NELL2: variants seen among roughly 807,000 people sequenced by gnomAD.
NELL2 encodes protein kinase C-binding protein NELL2.
In NELL2, 41 loss-of-function variants were observed where a neutral mutation model predicts 109.6. The ratio of observed to expected loss-of-function variants is 0.37; its 90% CI spans 0.29 to 0.49. The LOEUF (loss-of-function observed/expected upper bound fraction) is 0.49, where lower values mean the gene tolerates loss of function less well. Ranked by LOEUF, NELL2 falls within the 20% of genes least tolerant of loss-of-function variation. NELL2 has a pLI of 0.98. For synonymous variants in NELL2, 355 were observed against 344.7 expected (o/e 1.03, Z -0.33); for missense variants, 900 against 1,008.3 (o/e 0.89, Z 1.45).
At chr12:44,587,854 T>G (rs1944582747) in intron 15 of NELL2, among the ~76,000 whole-genome samples, 1 of 152,096 alleles carries the variant, frequency 6.6e-6, no homozygotes, top group African/African-American at 2.4e-5. Context: ...AAAATTACGT[T>G]ATAAAAGTTG....
At chr12:44,642,875 C>G (rs1321988929) in intron 13 of NELL2, among the ~76,000 whole-genome samples, 1 of 151,988 alleles carries the variant, frequency 6.6e-6, no homozygotes, top group African/African-American at 2.4e-5. Context: ...GAGCAAGATC[C>G]CTCTCAAAAA....
At chr12:44,630,964 T>C (rs769092251) in intron 13 of NELL2, among the ~76,000 whole-genome samples, 22 of 152,030 alleles carry the variant, frequency 1.4e-4, no homozygotes, top group Non-Finnish European at 2.9e-4. Context: ...AAAATCTTTT[T>C]TCTTCTTCTA....
At chr12:44,588,819 C>T (rs1306958815) in intron 15 of NELL2, among the ~76,000 whole-genome samples, 4 of 152,162 alleles carry the variant, frequency 2.6e-5, no homozygotes, top group Non-Finnish European at 5.9e-5. Flanking sequence ...TATTTCATCA[C>T]CCTAAACAGG....
chr12:44,746,491 T>C (rs1315333742), intron 9 of NELL2, among the ~76,000 whole-genome samples: 1 of 152,076 alleles, frequency 6.6e-6, no homozygotes, highest in Non-Finnish European at 1.5e-5. Flanking sequence ...CAAAAGAAAC[T>C]ACCATCAGAG....
At position 44,891,483 on chromosome 12, in the gene NELL2, A is replaced by G. The variant is rs1371719975; in HGVS notation, c.39-15583T>C. 2.6e-5 allele frequency among the ~76,000 whole-genome samples: 4 copies of G among 152,196 alleles called. No homozygotes were observed. In the South Asian group the frequency reaches 8.3e-4, roughly 32 times the overall value. ...ACTACCACTGCTGGAGCTCGGACCC[A>G]ATGGGGCCATGTTCCTTACAAGTTA... On this transcript the variant is annotated intron_variant, in intron 1 of 20. Transcript: ENST00000333837.
At chr12:44,621,729 C>A (rs1946069402) in intron 13 of NELL2, among the ~76,000 whole-genome samples, 1 of 151,642 alleles carries the variant, frequency 6.6e-6, no homozygotes, top group Admixed American at 6.6e-5. Flanking sequence ...CATAGAACCT[C>A]TTTGAAATAA....
intron 15 of NELL2, among the ~76,000 whole-genome samples, chr12:44,576,674 T>C (rs1944098823): frequency 6.6e-6 from 1 of 152,176 alleles, no homozygotes; most frequent in East Asian, 1.9e-4. Context: ...GCATTAGGTA[T>C]ATCTCCCAAT....
intron 9 of NELL2, among the ~76,000 whole-genome samples, chr12:44,771,168 G>C (rs1383316384): frequency 1.3e-5 from 2 of 152,064 alleles, no homozygotes; most frequent in African/African-American, 4.8e-5. Context: ...TGCTAGTTGA[G>C]AGCCTGAGAC....
At chr12:44,606,134 A>G (rs1388822907) in intron 15 of NELL2, among the ~76,000 whole-genome samples, 1 of 152,116 alleles carries the variant, frequency 6.6e-6, no homozygotes, top group Non-Finnish European at 1.5e-5. Flanking sequence ...AACACCACTT[A>G]GCAGTACTTA....
intron 13 of NELL2, among the ~76,000 whole-genome samples, chr12:44,657,795 C>A (rs1301710722): frequency 1.3e-5 from 2 of 152,144 alleles, no homozygotes; most frequent in African/African-American, 4.8e-5. Flanking sequence ...CATGTCCCTG[C>A]AAAGGACAGG....
chr12:44,786,866 G>A (rs7957023), intron 3 of NELL2, among the ~76,000 whole-genome samples: 35,933 of 151,836 alleles, frequency 0.24, 4,527 homozygotes, highest in South Asian at 0.3. Context: ...TCACGTACCG[G>A]GGCCTGTCAT....
chr12:44,782,625 A>G (rs550586446), intron 3 of NELL2, among the ~76,000 whole-genome samples: 2 of 151,960 alleles, frequency 1.3e-5, no homozygotes, highest in Admixed American at 6.6e-5. Context: ...TATATTTCAG[A>G]GCCAAAAAAT....
intron 9 of NELL2, among the ~76,000 whole-genome samples, chr12:44,747,647 C>T (rs151172169): frequency 2.0e-5 from 3 of 151,958 alleles, no homozygotes; most frequent in Non-Finnish European, 4.4e-5. Context: ...CACTGTTTAA[C>T]GGTCAACTGT....
chr12:44,796,657 A>G (rs1319936393), intron 3 of NELL2, among the ~76,000 whole-genome samples: 6 of 152,122 alleles, frequency 3.9e-5, no homozygotes, highest in Admixed American at 1.3e-4. Flanking sequence ...TAATAACACT[A>G]CTACAAAAGT....
In NELL2 at chr12:44,577,472, T is replaced by TTG. The variant is rs1170759630; in HGVS notation, c.1663+29696_1663+29697insCA. On this transcript the variant is annotated intron_variant, in intron 15 of 19. Transcript: ENST00000429094. ...CCCTTTGTCAGATGAGTAGTTTTTT[T>TTG]TTTTTTTTTTTTTTTTTTTTGAGAT... Among the ~76,000 whole-genome samples the TTG allele has an allele frequency of 3.4e-3, 435 of 126,580 alleles. 8 individuals carry two copies. Among genetic ancestry groups the TTG allele is most frequent in the African/African-American group, 0.014 (412 of 28,460 alleles). The allele number at this position is 126,580 out of a possible 152,430, so 83.0% of individuals were successfully genotyped here. A position where few individuals can be genotyped will look rare whatever the true frequency, so the allele number is the denominator to read the frequency against.
intron 15 of NELL2, among the ~76,000 whole-genome samples, chr12:44,587,632 A>G (rs1592162926): frequency 6.6e-6 from 1 of 152,098 alleles, no homozygotes; most frequent in Admixed American, 6.6e-5. Flanking sequence ...GTATGGATAG[A>G]TAGCCGACTG....
chr12:44,538,551 T>A (rs773612270), intron 15 of NELL2, among the ~76,000 whole-genome samples: 8 of 152,122 alleles, frequency 5.3e-5, no homozygotes, highest in Non-Finnish European at 8.8e-5. Context: ...ACTGAAAGGT[T>A]ATTAATAGGA....
chr12:44,897,267 T>C (rs2136876517), intron 1 of NELL2, among the ~76,000 whole-genome samples: 1 of 152,112 alleles, frequency 6.6e-6, no homozygotes, highest in East Asian at 1.9e-4. Flanking sequence ...ACTTACAAAA[T>C]AAGACATGAG....
intron 9 of NELL2, among the ~76,000 whole-genome samples, chr12:44,748,294 A>G (rs920345413): frequency 1.2e-4 from 18 of 152,290 alleles, no homozygotes; most frequent in South Asian, 2.1e-4. Flanking sequence ...ACTCAACAAC[A>G]ACAACAAAAT....
Sources: gnomAD v4.1 joint callset for allele counts (sites outside exome capture counted in the v4.1 genomes callset) on GRCh38, gnomAD v4.1.1 for gene constraint, MANE v1.5 for transcripts, NCBI Gene and HGNC (gene_info 2026-07-23, HGNC 2026-07-21) for gene names.